The following SRGAP1 variants were observed in gnomAD, a reference collection of about 807,000 sequenced individuals.
The protein encoded by SRGAP1 is SLIT-ROBO Rho GTPase activating protein 1.
In SRGAP1, 43 loss-of-function variants were observed where a neutral mutation model predicts 121.9. The ratio of observed to expected loss-of-function variants is 0.35; its 90% CI spans 0.28 to 0.46. The LOEUF (loss-of-function observed/expected upper bound fraction) is 0.46, where lower values mean the gene tolerates loss of function less well. Among genes scored for constraint, SRGAP1 ranks in the 20% least tolerant of loss-of-function variants. The pLI is 1.00. For synonymous variants in SRGAP1, 447 were observed against 485.4 expected (o/e 0.92, Z 1.04); for missense variants, 1,102 against 1,350.9 (o/e 0.82, Z 2.89).
chr12:63,869,683 CT>C (rs1182496416), intron 1 of SRGAP1, among the ~76,000 whole-genome samples: 11 of 152,152 alleles, frequency 7.2e-5, no homozygotes, highest in Non-Finnish European at 1.6e-4. Context: ...CAGAAGAAAG[CT>C]TGGGTTTATG....
chr12:64,093,106 C>G (rs1156875894), intron 12 of SRGAP1, among the ~76,000 whole-genome samples: 1 of 152,114 alleles, frequency 6.6e-6, no homozygotes, highest in Non-Finnish European at 1.5e-5. Context: ...GTGAAGACAG[C>G]AAGAGCAAAA....
chr12:64,078,777 A>T, intron 8 of SRGAP1, 142 bp from the exon 9 acceptor site: 1 of 750,074 alleles, frequency 1.3e-6, no homozygotes, highest in Non-Finnish European at 2.1e-6. Context: ...AGTGTTTTTT[A>T]CCTTTGTTTC....
intron 1 of SRGAP1, among the ~76,000 whole-genome samples, chr12:63,895,558 T>TA (rs775509293): frequency 6.6e-6 from 1 of 151,802 alleles, no homozygotes; most frequent in Non-Finnish European, 1.5e-5. Flanking sequence ...AAGTCACTTA[T>TA]AATGAGTCTA....
chr12:63,912,622 G>GA (rs111982523), intron 1 of SRGAP1, among the ~76,000 whole-genome samples: 43,722 of 148,992 alleles, frequency 0.29, 6,563 homozygotes, highest in East Asian at 0.49. Flanking sequence ...TTAAAAGAAA[G>GA]AAAAAAAAAA....
At chr12:64,133,159 A>G (rs1244673072) in intron 21 of SRGAP1, among the ~76,000 whole-genome samples, 1 of 152,200 alleles carries the variant, frequency 6.6e-6, no homozygotes, top group East Asian at 1.9e-4. Flanking sequence ...CAAGTCCTTG[A>G]TGGTGGCATT....
Position 64,145,626 on chromosome 12 carries a change from C to G in SRGAP1, c.*2954C>G, listed in dbSNP as rs533476990. On this transcript the variant is annotated 3_prime_UTR_variant, in exon 22 of 22. Coordinates refer to ENST00000355086, the MANE Select transcript of SRGAP1 (RefSeq NM_020762.4). ...GAGTGAGGACTCAGTAAAGACTCAC[C>G]TCTCCTTACTTGGTTTATTAAATGT... is the stretch of plus-strand genomic sequence containing the variant. 6.6e-6 allele frequency: 1 copy of G among 152,034 alleles called. No homozygotes were observed. The highest frequency in any genetic ancestry group is 1.5e-5 in the Non-Finnish European group (1 of 68,018). 9.4% of individuals were successfully genotyped at this position (152,034 alleles called of 1,614,324 possible).
chr12:64,021,506 G>A (rs1198195195), intron 4 of SRGAP1, among the ~76,000 whole-genome samples: 1 of 152,218 alleles, frequency 6.6e-6, no homozygotes, highest in Non-Finnish European at 1.5e-5. Flanking sequence ...GACAGACGAG[G>A]AAACTAAGGC....
chr12:64,091,425 A>G (rs1190506361), intron 12 of SRGAP1, 47 bp downstream of exon 12: 6 of 1,413,782 alleles, frequency 4.2e-6, no homozygotes, highest in Non-Finnish European at 5.9e-6. Flanking sequence ...GCTTCTTACT[A>G]TAATGGTCTC....
chr12:63,997,027 CT>C (rs1565629007), intron 3 of SRGAP1, among the ~76,000 whole-genome samples: 1 of 152,000 alleles, frequency 6.6e-6, no homozygotes, highest in African/African-American at 2.4e-5. Flanking sequence ...TACATTGTTG[CT>C]TTTATTATTT....
At chr12:64,019,823 A>G (rs2034500165) in intron 4 of SRGAP1, among the ~76,000 whole-genome samples, 1 of 152,202 alleles carries the variant, frequency 6.6e-6, no homozygotes, top group African/African-American at 2.4e-5. Context: ...ACCAAGTTGC[A>G]TCGTGCATAG....
intron 1 of SRGAP1, among the ~76,000 whole-genome samples, chr12:63,980,367 C>T (rs368064179): frequency 6.6e-6 from 1 of 152,258 alleles, no homozygotes; most frequent in African/African-American, 2.4e-5. Flanking sequence ...TGATCTGTTC[C>T]GAGCAGCAGA....
intron 6 of SRGAP1, among the ~76,000 whole-genome samples, chr12:64,050,170 C>T (rs2035212294): frequency 6.6e-6 from 1 of 151,978 alleles, no homozygotes; most frequent in East Asian, 1.9e-4. Context: ...GGATTACTTT[C>T]TTGATTTCTT....
At chr12:63,996,694 A>G (rs2033719625) in intron 3 of SRGAP1, among the ~76,000 whole-genome samples, 2 of 152,070 alleles carry the variant, frequency 1.3e-5, no homozygotes, top group South Asian at 2.1e-4. Flanking sequence ...TTTCCAAAGC[A>G]TTTTAGTGCA....
intron 15 of SRGAP1, among the ~76,000 whole-genome samples, chr12:64,107,207 C>T (rs1377533007): frequency 6.6e-6 from 1 of 152,068 alleles, no homozygotes; most frequent in East Asian, 1.9e-4. Context: ...AAATAGAATG[C>T]CCAGTTTGAT....
intron 4 of SRGAP1, among the ~76,000 whole-genome samples, chr12:64,042,122 C>G (rs191386149): frequency 1.3e-4 from 19 of 151,992 alleles, no homozygotes; most frequent in African/African-American, 4.1e-4. Flanking sequence ...GTCTCGAATT[C>G]CTGACCTCAA....
chr12:63,925,806 G>A (rs2031239825), intron 1 of SRGAP1, among the ~76,000 whole-genome samples: 1 of 152,062 alleles, frequency 6.6e-6, no homozygotes, highest in African/African-American at 2.4e-5. Flanking sequence ...TGTTTATACC[G>A]GGAAGCTGTA....
At position 64,042,784 on chromosome 12, in the gene SRGAP1, C is replaced by T; in HGVS notation, c.490-6C>T. ...TCTTGTAACAATTTGGGTCACTTTT[C>T]CACAGGTGATGAAAACATACCATAT... On this transcript the variant is annotated splice_polypyrimidine_tract_variant and splice_region_variant and intron_variant, in intron 4 of 21. Transcript: ENST00000355086. 6.2e-7 allele frequency: 1 copy of T among 1,610,802 alleles called. No homozygotes were observed. The highest frequency in any genetic ancestry group is 1.3e-5 in the African/African-American group (1 of 74,906).
chr12:64,070,416 C>T (rs1410320701), intron 8 of SRGAP1, among the ~76,000 whole-genome samples: 1 of 152,178 alleles, frequency 6.6e-6, no homozygotes, highest in Non-Finnish European at 1.5e-5. Context: ...GACCATTTGT[C>T]CCAATATTTG....
intron 4 of SRGAP1, among the ~76,000 whole-genome samples, chr12:64,022,904 C>T (rs2034579393): frequency 6.6e-6 from 1 of 151,906 alleles, no homozygotes; most frequent in Non-Finnish European, 1.5e-5. Context: ...GAGAGAGGGG[C>T]CATAAATAAA....
Sources: allele counts gnomAD v4.1 joint callset (sites outside exome capture counted in the v4.1 genomes callset), GRCh38; gene constraint gnomAD v4.1.1; transcripts MANE v1.5; gene names NCBI Gene and HGNC (gene_info 2026-07-23, HGNC 2026-07-21).